Variants in ERI1 observed in about 807,000 individuals in gnomAD.
The protein encoded by ERI1 is exoribonuclease 1.
In ERI1, 39 loss-of-function variants were observed where a neutral mutation model predicts 39.7. The ratio of observed to expected loss-of-function variants is 0.98; its 90% CI spans 0.76 to 1.28. The LOEUF (loss-of-function observed/expected upper bound fraction) is 1.28. Ranked by LOEUF, ERI1 falls within the 50% of genes most tolerant of loss-of-function variation. The pLI is 0.00. For missense variants in ERI1, 581 were observed against 416.9 expected, an observed-to-expected ratio of 1.39 and a Z score of -3.43; for synonymous variants, 204 against 149.6, an observed-to-expected ratio of 1.36 and a Z score of -2.65.
At chr8:9,090,132 C>T (rs965481277) in intron 3 of ERI1, among the ~76,000 whole-genome samples, 1 of 152,152 alleles carries the variant, frequency 6.6e-6, no homozygotes, top group Non-Finnish European at 1.5e-5. Flanking sequence ...ATGAAAATCC[C>T]ACCTTCTCCT....
rs888793929 is a variant in ERI1 at position 9,032,249 on chromosome 8, A to G, written c.*2215A>G. The G allele has an allele frequency of 6.6e-6, 1 of 152,226 alleles. No individual in the cohort carries two copies. The highest frequency in any genetic ancestry group is 1.9e-4 in the East Asian group (1 of 5,208). The allele number at this position is 152,226 out of a possible 1,614,324, so 9.4% of individuals were successfully genotyped here. Reference sequence around the variant, plus strand: ...TAAGAGATGGATGTCCATGAAAACAATATTAGTATATTCTATTATTGTTTC... The same window carrying G: ...TAAGAGATGGATGTCCATGAAAACAGTATTAGTATATTCTATTATTGTTTC... On this transcript the variant is annotated 3_prime_UTR_variant, in exon 7 of 7. Coordinates refer to ENST00000250263, the MANE Select transcript of ERI1 (RefSeq NM_153332.4).
intron 3 of ERI1, among the ~76,000 whole-genome samples, chr8:9,082,207 C>T (rs991041473): frequency 2.0e-5 from 3 of 152,224 alleles, no homozygotes; most frequent in African/African-American, 7.2e-5. Context: ...TGGAGACCCT[C>T]ACAATGTCCT....
intron 3 of ERI1, among the ~76,000 whole-genome samples, chr8:9,046,725 T>A (rs1563354972): frequency 6.6e-6 from 1 of 152,188 alleles, no homozygotes; most frequent in Non-Finnish European, 1.5e-5. Context: ...ATTAGCTTGG[T>A]ACAAAGAACA....
In ERI1 at chr8:9,007,802, CCTT is replaced by C. The variant is rs372545534; in HGVS notation, c.109-164_109-162del. Among the ~76,000 whole-genome samples, 7 of 152,252 alleles carry C rather than the reference CCTT, an allele frequency of 4.6e-5. No individual in the cohort carries two copies. In the East Asian group the frequency reaches 1.3e-3, roughly 29 times the overall value. The stretch of plus-strand genomic sequence containing the variant: ...GTAAATTGTATTGGAGACGCATCTT[CCTT>C]CTTATCCTTTCCTCCGTTTAGGAGC... On this transcript the variant is annotated intron_variant, in intron 1 of 6. Transcript: ENST00000250263.
intron 3 of ERI1, among the ~76,000 whole-genome samples, chr8:9,079,699 A>G (rs1018412984): frequency 1.2e-4 from 18 of 152,260 alleles, no homozygotes; most frequent in African/African-American, 3.8e-4. Context: ...TTTTTGAGAC[A>G]GGGTCTCACT....
intron 3 of ERI1, among the ~76,000 whole-genome samples, chr8:9,044,960 A>G (rs1271052218): frequency 1.3e-5 from 2 of 152,104 alleles, no homozygotes; most frequent in African/African-American, 4.8e-5. Context: ...TAATATTGCC[A>G]GGCGTGGTGG....
intron 3 of ERI1, among the ~76,000 whole-genome samples, chr8:9,078,259 G>A (rs556463998): frequency 2.6e-5 from 4 of 152,204 alleles, no homozygotes; most frequent in African/African-American, 7.2e-5. Flanking sequence ...CAAAATGCTG[G>A]GAATACAAGT....
At chr8:9,061,655 T>C (rs1798701609) in intron 3 of ERI1, among the ~76,000 whole-genome samples, 2 of 151,794 alleles carry the variant, frequency 1.3e-5, no homozygotes, top group Admixed American at 1.3e-4. Context: ...AGGAAAGGAG[T>C]TGTTGTTTTG....
At chr8:9,097,979 G>A (rs771179849) in intron 3 of ERI1, among the ~76,000 whole-genome samples, 1 of 152,228 alleles carries the variant, frequency 6.6e-6, no homozygotes, top group Non-Finnish European at 1.5e-5. Context: ...AGCAACCTGA[G>A]TGGAATTGGA....
chr8:9,064,979 G>C lies in ERI1; in HGVS notation n.299+44515G>C, dbSNP rs189719440. On this transcript the variant is annotated intron_variant and non_coding_transcript_variant, in intron 3 of 3. Transcript: ENST00000518663. ...CGGGGTTGTTCTCTGGCAGGAAGGA[G>C]TGGGGGTCACAAGGTGCTCAGTAGG... is the stretch of plus-strand genomic sequence containing the variant. Among the ~76,000 whole-genome samples the C allele has an allele frequency of 3.6e-4, 55 of 152,330 alleles. 1 individual carries two copies. Among genetic ancestry groups the C allele is most frequent in the Admixed American group, 3.1e-3 (48 of 15,300 alleles).
rs140641752 is a variant in ERI1, at chr8:9,027,149, A to ATG, written c.808-2615_808-2614dup. Among the ~76,000 whole-genome samples, 554 of 141,764 alleles carry ATG rather than the reference A, an allele frequency of 3.9e-3. 4 individuals are homozygous for ATG. The highest frequency in any genetic ancestry group is 7.8e-3 in the African/African-American group (260 of 33,400). The allele number at this position is 141,764 out of a possible 152,430, so 93.0% of individuals were successfully genotyped here. On this transcript the variant is annotated intron_variant, in intron 6 of 6. Transcript: ENST00000250263. ...TTGTTATTTTCTGGTGTGTGTGTGT[A>ATG]TGTGTGTGTGTGTGTGTGTGTGTGT...
At chr8:9,091,665 G>A (rs141958580) in intron 3 of ERI1, among the ~76,000 whole-genome samples, 20 of 152,278 alleles carry the variant, frequency 1.3e-4, no homozygotes, top group African/African-American at 4.8e-4. Context: ...TGGTTCTTAG[G>A]TCAAGGTCTA....
intron 3 of ERI1, among the ~76,000 whole-genome samples, chr8:9,073,489 T>G (rs988408787): frequency 1.3e-4 from 20 of 152,274 alleles, no homozygotes; most frequent in African/African-American, 4.6e-4. Context: ...TGAAGTAAGA[T>G]TTTCATAAAA....
chr8:9,010,045 G>C lies in ERI1; in HGVS notation c.288-1497G>C, dbSNP rs141109020. 4.9e-3 allele frequency among the ~76,000 whole-genome samples: 739 copies of C among 152,338 alleles called. 3 individuals are homozygous for C. The highest frequency in any genetic ancestry group is 7.9e-3 in the Non-Finnish European group (537 of 68,030). Reference sequence around the variant, plus strand: ...TCTCAAGTAAAGTAAAGAATGAATCGAAGTGTTGTGGTAATGGAGGCATTT... The same window carrying C: ...TCTCAAGTAAAGTAAAGAATGAATCCAAGTGTTGTGGTAATGGAGGCATTT... On this transcript the variant is annotated intron_variant, in intron 2 of 6. Transcript: ENST00000250263.
chr8:9,044,096 A>T (rs1798105832), intron 3 of ERI1, among the ~76,000 whole-genome samples: 1 of 152,228 alleles, frequency 6.6e-6, no homozygotes, highest in Admixed American at 6.5e-5. Flanking sequence ...AAAACTCTTC[A>T]TAGGGTTGTT....
At chr8:9,064,160 G>A (rs186134505) in intron 3 of ERI1, among the ~76,000 whole-genome samples, 10 of 150,962 alleles carry the variant, frequency 6.6e-5, no homozygotes, top group African/African-American at 2.2e-4. Context: ...ATAAGAGATC[G>A]GGGCATGGAA....
At chr8:9,036,961 C>T (rs1020588699), downstream of ERI1, among the ~76,000 whole-genome samples, 1 of 152,164 alleles carries the variant, frequency 6.6e-6, no homozygotes, top group African/African-American at 2.4e-5. Flanking sequence ...CTCCCTCCCC[C>T]TTTTAGCACA....
intron 3 of ERI1, among the ~76,000 whole-genome samples, chr8:9,061,746 T>C (rs893000880): frequency 3.3e-5 from 5 of 151,980 alleles, no homozygotes; most frequent in Middle Eastern, 3.4e-3. Context: ...TATGCCGAGA[T>C]AGGTAACAGA....
At chr8:9,074,992 G>C (rs919922554) in intron 3 of ERI1, among the ~76,000 whole-genome samples, 1 of 152,088 alleles carries the variant, frequency 6.6e-6, no homozygotes, top group African/African-American at 2.4e-5. Context: ...GTGTTTACTT[G>C]CATTCCTCTG....
Sources: allele counts gnomAD v4.1 joint callset (sites outside exome capture counted in the v4.1 genomes callset), GRCh38; gene constraint gnomAD v4.1.1; transcripts MANE v1.5; gene names NCBI Gene and HGNC (gene_info 2026-07-23, HGNC 2026-07-21).